The following KALRN variants were observed in gnomAD, a reference collection of about 807,000 sequenced individuals.
KALRN encodes kalirin RhoGEF kinase, also known as kalirin.
A neutral mutation model predicts 353.7 loss-of-function variants in KALRN; 70 were observed. The ratio of observed to expected loss-of-function variants is 0.20; its 90% CI spans 0.16 to 0.24. The LOEUF is 0.24. Among genes scored for constraint, KALRN ranks in the 10% least tolerant of loss-of-function variants. The pLI, the probability that KALRN is intolerant of heterozygous loss-of-function variation, is 1.00. For missense variants in KALRN, 2,791 were observed against 3,756.7 expected (o/e 0.74, Z 6.72); for synonymous variants, 1,391 against 1,434.8 (o/e 0.97, Z 0.69).
At chr3:124,672,959 A>G (rs2086646776) in intron 48 of KALRN, among the ~76,000 whole-genome samples, 1 of 152,226 alleles carries the variant, frequency 6.6e-6, no homozygotes, top group Non-Finnish European at 1.5e-5. Flanking sequence ...TTAAAAAATT[A>G]TTAGTGTCCA....
Position 124,668,335 on chromosome 3 carries a change from C to A in KALRN, c.6703+1152C>A, listed in dbSNP as rs1487020150. On this transcript the variant is annotated intron_variant, in intron 47 of 59. Transcript: ENST00000682506. ...GAAGGGAAAGATAAAAGGTGCCATA[C>A]GAGTTGAGGACCTTGAGGAGTCATG... 3.9e-5 allele frequency among the ~76,000 whole-genome samples: 6 copies of A among 152,132 alleles called. 1 individual carries two copies. In the South Asian group the frequency reaches 8.3e-4, roughly 21 times the overall value.
intron 33 of KALRN, among the ~76,000 whole-genome samples, chr3:124,543,705 A>G (rs1243384916): frequency 6.6e-6 from 1 of 151,464 alleles, no homozygotes; most frequent in Non-Finnish European, 1.5e-5. Flanking sequence ...TTATTACTTG[A>G]TGAAAGATAA....
chr3:124,145,954 A>T (rs2067271746), intron 1 of KALRN, among the ~76,000 whole-genome samples: 2 of 152,236 alleles, frequency 1.3e-5, no homozygotes. Flanking sequence ...AGGGTGCACC[A>T]TCAAGGTGAA....
At chr3:124,220,826 A>T (rs1419987218) in intron 1 of KALRN, among the ~76,000 whole-genome samples, 1 of 151,984 alleles carries the variant, frequency 6.6e-6, no homozygotes, top group East Asian at 1.9e-4. Flanking sequence ...CAGTGCCCCT[A>T]CCCCCTATTC....
At chr3:124,642,598 C>A (rs34693116) in intron 37 of KALRN, among the ~76,000 whole-genome samples, 17,142 of 152,076 alleles carry the variant, frequency 0.11, 1,051 homozygotes, top group African/African-American at 0.13. Context: ...CATGGAAGAA[C>A]ATGGCCACAG....
chr3:124,368,756 C>T (rs1478066437), intron 10 of KALRN, among the ~76,000 whole-genome samples: 5 of 150,952 alleles, frequency 3.3e-5, no homozygotes, highest in Non-Finnish European at 7.4e-5. Flanking sequence ...CGCCACTGCA[C>T]TCCAGCCTGG....
chr3:124,157,784 G>A (rs377156600), intron 1 of KALRN, among the ~76,000 whole-genome samples: 151 of 152,306 alleles, frequency 9.9e-4, no homozygotes, highest in African/African-American at 3.4e-3. Context: ...TTCCAGTGCA[G>A]CAGAGGAGAA....
chr3:124,064,759 A>G (rs1559892923), intron 1 of KALRN, among the ~76,000 whole-genome samples: 1 of 152,194 alleles, frequency 6.6e-6, no homozygotes, highest in Non-Finnish European at 1.5e-5. Flanking sequence ...AGCTCTCTGC[A>G]TCTGGAATGG....
intron 10 of KALRN, among the ~76,000 whole-genome samples, chr3:124,350,195 C>A (rs2082700141): frequency 6.6e-6 from 1 of 152,218 alleles, no homozygotes; most frequent in Admixed American, 6.5e-5. Flanking sequence ...CCATGGCCAT[C>A]CCAGTCCCAT....
At chr3:124,385,352 A>T (rs2149947067) in intron 11 of KALRN, among the ~76,000 whole-genome samples, 1 of 152,290 alleles carries the variant, frequency 6.6e-6, no homozygotes, top group East Asian at 1.9e-4. Context: ...CACTGCAAGA[A>T]GAAATGTAAG....
intron 3 of KALRN, among the ~76,000 whole-genome samples, chr3:124,239,394 C>G (rs761456190): frequency 2.6e-5 from 4 of 152,144 alleles, no homozygotes; most frequent in Non-Finnish European, 5.9e-5. Flanking sequence ...TGTTAGCCTG[C>G]TTTGTCACGA....
chr3:124,537,991 A>G (rs2068673123), intron 33 of KALRN, among the ~76,000 whole-genome samples: 1 of 152,262 alleles, frequency 6.6e-6, no homozygotes, highest in Non-Finnish European at 1.5e-5. Flanking sequence ...AAAAGAAACA[A>G]GCAAAAGAAT....
intron 1 of KALRN, among the ~76,000 whole-genome samples, chr3:124,216,722 T>C (rs1187606731): frequency 6.6e-6 from 1 of 152,224 alleles, no homozygotes; most frequent in African/African-American, 2.4e-5. Context: ...TTGTTATGCT[T>C]CTTTCTAAAG....
At position 124,292,243 on chromosome 3, in the gene KALRN, C is replaced by T. The variant is rs72976522; in HGVS notation, c.970-6548C>T. ...CTCCTACTCTCTAGGACCTCTCTGC[C>T]ACTTTGTAGGATCTCATCCCTGGGC... On this transcript the variant is annotated intron_variant, in intron 5 of 59. Coordinates refer to ENST00000682506, the MANE Select transcript of KALRN (RefSeq NM_001388419.1). Among the ~76,000 whole-genome samples, 648 of 152,272 alleles carry T rather than the reference C, an allele frequency of 4.3e-3. 5 individuals carry two copies. The highest frequency in any genetic ancestry group is 0.014 in the African/African-American group (600 of 41,554).
chr3:124,682,457 T>C (rs1454455932), intron 51 of KALRN, among the ~76,000 whole-genome samples: 1 of 152,134 alleles, frequency 6.6e-6, no homozygotes, highest in African/African-American at 2.4e-5. Context: ...CCGTGCTAGA[T>C]CTCCAGATGT....
chr3:124,140,365 A>G (rs199906932), intron 1 of KALRN, among the ~76,000 whole-genome samples: 2 of 152,254 alleles, frequency 1.3e-5, no homozygotes, highest in Non-Finnish European at 2.9e-5. Context: ...TAGAATTTCA[A>G]CTGCCACTGA....
chr3:124,671,601 C>T, intron 47 of KALRN, 59 bp from the exon 48 acceptor site: 1 of 1,197,178 alleles, frequency 8.4e-7, no homozygotes, highest in Non-Finnish European at 1.2e-6. Flanking sequence ...ACCTAAGAGG[C>T]CTCCAAATCC....
intron 1 of KALRN, among the ~76,000 whole-genome samples, chr3:124,218,675 T>C (rs1218574128): frequency 6.6e-6 from 1 of 152,188 alleles, no homozygotes; most frequent in East Asian, 1.9e-4. Context: ...TTTTCTTGTG[T>C]CTGTGCTATA....
chr3:124,231,686 G>A (rs1237249241), intron 2 of KALRN, among the ~76,000 whole-genome samples: 1 of 151,372 alleles, frequency 6.6e-6, no homozygotes, highest in East Asian at 1.9e-4. Context: ...TTAAGGCTCT[G>A]GGAAGTCCTG....
Sources: gnomAD v4.1 joint callset for allele counts (sites outside exome capture counted in the v4.1 genomes callset) on GRCh38, gnomAD v4.1.1 for gene constraint, MANE v1.5 for transcripts, NCBI Gene and HGNC (gene_info 2026-07-23, HGNC 2026-07-21) for gene names.